The following ENOX1 variants were observed in gnomAD, a reference collection of about 807,000 sequenced individuals.
The protein encoded by ENOX1 is ecto-NOX disulfide-thiol exchanger 1.
Under a neutral mutation model 82.5 loss-of-function variants are expected in ENOX1, and 42 were observed. That is an observed-to-expected ratio of 0.51 (90% CI 0.40 to 0.66). ENOX1 has a LOEUF of 0.66. Ranked by LOEUF, ENOX1 falls within the 30% of genes least tolerant of loss-of-function variation. The pLI is 0.00. For synonymous variants in ENOX1, 271 were observed against 282.2 expected (o/e 0.96, Z 0.40); for missense variants, 608 against 811.6 (o/e 0.75, Z 3.05).
chr13:43,469,012 C>T (rs1269955070), intron 3 of ENOX1, among the ~76,000 whole-genome samples: 1 of 152,078 alleles, frequency 6.6e-6, no homozygotes, highest in Non-Finnish European at 1.5e-5. Context: ...ACATTATTGA[C>T]TAGAAGTGGG....
intron 1 of ENOX1, among the ~76,000 whole-genome samples, chr13:43,687,733 C>T (rs563464421): frequency 1.5e-4 from 23 of 152,178 alleles, no homozygotes; most frequent in Middle Eastern, 3.4e-3. Flanking sequence ...CTTCCTCTTG[C>T]AGAATTTACA....
chr13:43,286,479 G>A (rs775715552), intron 12 of ENOX1, among the ~76,000 whole-genome samples: 2 of 152,166 alleles, frequency 1.3e-5, no homozygotes, highest in African/African-American at 2.4e-5. Context: ...CTACTGGAGA[G>A]TCAGGATTTC....
chr13:43,240,109 A>T (rs1027755234), intron 14 of ENOX1, among the ~76,000 whole-genome samples: 7 of 152,214 alleles, frequency 4.6e-5, no homozygotes, highest in African/African-American at 1.7e-4. Flanking sequence ...CGAAGGGAAT[A>T]CACAGAGAGA....
chr13:43,292,634 A>AC (rs2046062390), intron 12 of ENOX1, among the ~76,000 whole-genome samples: 1 of 148,054 alleles, frequency 6.8e-6, no homozygotes, highest in South Asian at 2.1e-4. Flanking sequence ...AAAAAAAAAA[A>AC]CCCTATAAAA....
chr13:43,749,544 T>C (rs1950202960), intron 1 of ENOX1, among the ~76,000 whole-genome samples: 1 of 152,180 alleles, frequency 6.6e-6, no homozygotes, highest in Non-Finnish European at 1.5e-5. Context: ...AAGGACAACA[T>C]CAGCATCAAG....
chr13:43,706,095 GAACTA>G (rs2087263006), intron 1 of ENOX1, among the ~76,000 whole-genome samples: 1 of 151,630 alleles, frequency 6.6e-6, no homozygotes, highest in South Asian at 2.1e-4. Flanking sequence ...AAAATATTTA[GAACTA>G]AATAATAATA....
intron 1 of ENOX1, among the ~76,000 whole-genome samples, chr13:43,747,230 A>G (rs1443366962): frequency 6.6e-6 from 1 of 152,208 alleles, no homozygotes; most frequent in African/African-American, 2.4e-5. Context: ...TGCCTGGGAC[A>G]TAGTAGACTC....
chr13:43,552,286 C>G (rs1361454704), intron 2 of ENOX1, among the ~76,000 whole-genome samples: 1 of 151,614 alleles, frequency 6.6e-6, no homozygotes, highest in African/African-American at 2.4e-5. Flanking sequence ...AAGGGCTCAC[C>G]TCTGCTCTAG....
chr13:43,678,030 G>A lies in ENOX1; in HGVS notation c.-284-10486C>T, dbSNP rs547564223. Among the ~76,000 whole-genome samples the A allele has an allele frequency of 1.6e-4, 24 of 152,124 alleles. No individual in the cohort carries two copies. In the South Asian group the frequency reaches 4.4e-3, roughly 28 times the overall value. ...TTGGTGAGGCAATAAAACATCATTTGATACCCTATTTACTTGGAAATCTGG... is the reference window on the plus strand; with the variant it reads ...TTGGTGAGGCAATAAAACATCATTTAATACCCTATTTACTTGGAAATCTGG... On this transcript the variant is annotated intron_variant, in intron 1 of 16. Coordinates refer to ENST00000690772, the MANE Select transcript of ENOX1 (RefSeq NM_001347969.2).
intron 1 of ENOX1, among the ~76,000 whole-genome samples, chr13:43,697,279 G>A (rs2086686728): frequency 1.3e-5 from 2 of 152,162 alleles, no homozygotes; most frequent in African/African-American, 4.8e-5. Flanking sequence ...TTTCCTAATA[G>A]AGGTCATTGC....
In ENOX1 at chr13:43,577,149, T is replaced by C. The variant is rs562472618; in HGVS notation, c.-219+90330A>G. 3.3e-5 allele frequency among the ~76,000 whole-genome samples: 5 copies of C among 152,088 alleles called. No homozygotes were observed. The East Asian group carries it at 7.7e-4, about 24-fold the overall frequency. On this transcript the variant is annotated intron_variant, in intron 2 of 16. Coordinates refer to ENST00000690772, the MANE Select transcript of ENOX1 (RefSeq NM_001347969.2). ...AAATATTTTTTTTTTTCTTTTTTTT[T>C]GAGACAGAGTCTCGCTCAGTCGCCC...
chr13:43,590,666 C>G (rs1048898620), intron 2 of ENOX1, among the ~76,000 whole-genome samples: 1 of 151,406 alleles, frequency 6.6e-6, no homozygotes, highest in East Asian at 1.9e-4. Context: ...GTCCCAACTA[C>G]TCGGAAGGCT....
intron 1 of ENOX1, among the ~76,000 whole-genome samples, chr13:43,702,959 A>G (rs1185107010): frequency 7.8e-6 from 1 of 127,624 alleles, no homozygotes. Context: ...GTCTCAAAAA[A>G]AAAAAAAAAA....
intron 4 of ENOX1, 48 bp from the exon 5 acceptor site, chr13:43,412,101 T>C: frequency 6.3e-7 from 1 of 1,588,694 alleles, no homozygotes; most frequent in Non-Finnish European, 8.6e-7. Flanking sequence ...GCAAGGGTGT[T>C]TGTTTTAAAG....
intron 2 of ENOX1, among the ~76,000 whole-genome samples, chr13:43,540,175 C>T (rs1258711534): frequency 6.6e-6 from 1 of 152,164 alleles, no homozygotes; most frequent in Non-Finnish European, 1.5e-5. Flanking sequence ...GAGTTTAAGT[C>T]TACCATCTTA....
intron 5 of ENOX1, among the ~76,000 whole-genome samples, chr13:43,370,129 A>G (rs900648039): frequency 5.3e-5 from 8 of 152,164 alleles, no homozygotes; most frequent in African/African-American, 1.9e-4. Context: ...GCACTTTGGG[A>G]GGCTGAGGCA....
Position 43,344,603 on chromosome 13 carries a change from TG to T in ENOX1, c.970del (p.His324MetfsTer16), listed in dbSNP as rs1298328580. ...VRRLMNEKAT[H>X]EQEMEEAKEN... Reference sequence around the variant, plus strand: ...CTTGGCTTCCTCCATCTCTTGCTCATGGGTGGCTTTTTCATTCATTAGCCGG... The same window carrying T: ...CTTGGCTTCCTCCATCTCTTGCTCATGGTGGCTTTTTCATTCATTAGCCGG... On this transcript the variant is annotated frameshift_variant, in exon 9 of 17. Coordinates refer to ENST00000690772, the MANE Select transcript of ENOX1 (RefSeq NM_001347969.2). LOFTEE classifies it high-confidence loss of function. The T allele has an allele frequency of 1.5e-5, 25 of 1,614,058 alleles. No homozygotes were observed. Among genetic ancestry groups the T allele is most frequent in the Non-Finnish European group, 2.0e-5 (24 of 1,180,032 alleles).
intron 3 of ENOX1, among the ~76,000 whole-genome samples, chr13:43,447,485 G>C (rs1321683628): frequency 6.6e-6 from 1 of 151,982 alleles, no homozygotes; most frequent in African/African-American, 2.4e-5. Flanking sequence ...CAATAGGAGA[G>C]GGGTAGGAAC....
intron 1 of ENOX1, among the ~76,000 whole-genome samples, chr13:43,677,124 T>C (rs1362008914): frequency 1.3e-5 from 2 of 151,966 alleles, no homozygotes; most frequent in East Asian, 1.9e-4. Context: ...TCTCATATCA[T>C]TAAAATTTTC....
Sources: allele counts gnomAD v4.1 joint callset (sites outside exome capture counted in the v4.1 genomes callset), GRCh38; gene constraint gnomAD v4.1.1; transcripts MANE v1.5; gene names NCBI Gene and HGNC (gene_info 2026-07-23, HGNC 2026-07-21).